The following TENM3 variants were observed in gnomAD, a reference collection of about 807,000 sequenced individuals.
TENM3 encodes teneurin-3.
TENM3 carries 63 observed loss-of-function variants against 255.1 expected under a neutral mutation model. The observed-to-expected ratio is 0.25, with a 90% CI of 0.20 to 0.30. TENM3 has a LOEUF of 0.30. Among genes scored for constraint, TENM3 ranks in the 10% least tolerant of loss-of-function variants. The pLI is 1.00. For synonymous variants in TENM3, 1,306 were observed against 1,322.3 expected (o/e 0.99, Z 0.27); for missense variants, 2,929 against 3,461.1 (o/e 0.85, Z 3.86).
chr4:182,681,779 T>C, intron 10 of TENM3, 35 bp from the exon 11 acceptor site: 1 of 1,514,142 alleles, frequency 6.6e-7, no homozygotes, highest in Non-Finnish European at 9.1e-7. Context: ...TGATATCTTC[T>C]GGATTTAATA....
At chr4:181,735,808 G>C in the TENM3 span, among the ~76,000 whole-genome samples, 2 of 151,594 alleles carry the variant, frequency 1.3e-5, no homozygotes, top group Non-Finnish European at 2.9e-5. Flanking sequence ...TTGCTGTATG[G>C]GTTCTCACTA....
chr4:182,248,633 C>G (rs113810293), intron 1 of TENM3, among the ~76,000 whole-genome samples: 36 of 152,256 alleles, frequency 2.4e-4, no homozygotes, highest in African/African-American at 8.4e-4. Flanking sequence ...CAGTCAGTAA[C>G]AATGTAATTT....
the TENM3 span, among the ~76,000 whole-genome samples, chr4:181,769,540 A>C: frequency 6.6e-6 from 1 of 152,218 alleles, no homozygotes; most frequent in Non-Finnish European, 1.5e-5. Flanking sequence ...CTTATTTGTA[A>C]TTATTATTAA....
the TENM3 span, among the ~76,000 whole-genome samples, chr4:181,888,655 CAT>C: frequency 1.4e-5 from 2 of 140,414 alleles, no homozygotes; most frequent in Admixed American, 7.3e-5. Flanking sequence ...GGAATAGACT[CAT>C]ATGATTATGG....
chr4:182,388,220 C>G (rs1359536155), intron 3 of TENM3, among the ~76,000 whole-genome samples: 4 of 152,154 alleles, frequency 2.6e-5, no homozygotes, highest in African/African-American at 7.2e-5. Flanking sequence ...CTCTGGAAAC[C>G]AGGAACTACT....
intron 3 of TENM3, among the ~76,000 whole-genome samples, chr4:182,555,377 G>C (rs1331867479): frequency 1.3e-5 from 2 of 151,994 alleles, no homozygotes; most frequent in East Asian, 3.8e-4. Context: ...ATGCTTATAT[G>C]GTAGACATTA....
At chr4:181,791,040 C>T in the TENM3 span, among the ~76,000 whole-genome samples, 1 of 152,194 alleles carries the variant, frequency 6.6e-6, no homozygotes, top group Non-Finnish European at 1.5e-5. Flanking sequence ...GGGGCATGTA[C>T]AGAATACACT....
At chr4:182,001,968 A>G in the TENM3 span, among the ~76,000 whole-genome samples, 1 of 152,150 alleles carries the variant, frequency 6.6e-6, no homozygotes, top group Non-Finnish European at 1.5e-5. Context: ...TTATAATACT[A>G]TAACCATCAC....
the TENM3 span, among the ~76,000 whole-genome samples, chr4:181,481,588 C>A: frequency 6.6e-6 from 1 of 152,116 alleles, no homozygotes; most frequent in South Asian, 2.1e-4. Flanking sequence ...AACTAAGGCC[C>A]AGAGAGGTTA....
the TENM3 span, among the ~76,000 whole-genome samples, chr4:181,465,422 CAA>C: frequency 6.6e-6 from 1 of 152,106 alleles, no homozygotes; most frequent in Non-Finnish European, 1.5e-5. Flanking sequence ...TGCTCAGAAA[CAA>C]AGAGTGCTTT....
chr4:182,753,837 A>G (rs1039462532), intron 21 of TENM3, among the ~76,000 whole-genome samples: 4 of 152,236 alleles, frequency 2.6e-5, no homozygotes. Flanking sequence ...AGAAATGCTA[A>G]GCATTTGTAA....
At chr4:182,040,590 C>T in the TENM3 span, among the ~76,000 whole-genome samples, 1 of 152,220 alleles carries the variant, frequency 6.6e-6, no homozygotes, top group Non-Finnish European at 1.5e-5. Flanking sequence ...CTTATAACAC[C>T]CAATCAGCCT....
chr4:181,698,002 C>G, the TENM3 span, among the ~76,000 whole-genome samples: 1 of 151,832 alleles, frequency 6.6e-6, no homozygotes, highest in Non-Finnish European at 1.5e-5. Flanking sequence ...ATCATGAGGT[C>G]AGGAGTTTGA....
chr4:181,898,224 A>G, the TENM3 span, among the ~76,000 whole-genome samples: 1 of 152,080 alleles, frequency 6.6e-6, no homozygotes, highest in Non-Finnish European at 1.5e-5. Flanking sequence ...ATAATCTTTG[A>G]AAAAAACAGT....
At chr4:182,117,706 A>G in the TENM3 span, among the ~76,000 whole-genome samples, 320 of 152,302 alleles carry the variant, frequency 2.1e-3, no homozygotes, top group African/African-American at 7.4e-3. Context: ...GTGGCTTTCT[A>G]GTAAGTCTTG....
chr4:182,118,662 AT>A, the TENM3 span, among the ~76,000 whole-genome samples: 1 of 152,062 alleles, frequency 6.6e-6, no homozygotes. Context: ...AGAGGTTTTC[AT>A]TATGAATAGG....
chr4:182,085,805 G>T, the TENM3 span, among the ~76,000 whole-genome samples: 1,682 of 152,000 alleles, frequency 0.011, 27 homozygotes, highest in African/African-American at 0.038. Flanking sequence ...AATTCAAATG[G>T]AGCATATATT....
At chr4:181,727,678 A>G in the TENM3 span, among the ~76,000 whole-genome samples, 1 of 152,206 alleles carries the variant, frequency 6.6e-6, no homozygotes. Context: ...CAATACTTTC[A>G]AATATGAGCA....
At chr4:182,511,419 A>T (rs1210071248) in intron 3 of TENM3, among the ~76,000 whole-genome samples, 1 of 152,296 alleles carries the variant, frequency 6.6e-6, no homozygotes, top group East Asian at 1.9e-4. Context: ...GGCAGCTGCA[A>T]GAGTAATTAA....
Sources: gnomAD v4.1 joint callset for allele counts (sites outside exome capture counted in the v4.1 genomes callset) on GRCh38, gnomAD v4.1.1 for gene constraint, MANE v1.5 for transcripts, NCBI Gene and HGNC (gene_info 2026-07-23, HGNC 2026-07-21) for gene names.